AFDN: variants seen among roughly 807,000 people sequenced by gnomAD.
The protein encoded by AFDN is afadin, adherens junction formation factor.
Under a neutral mutation model 216.6 loss-of-function variants are expected in AFDN, and 68 were observed. That is an observed-to-expected ratio of 0.31 (90% CI 0.26 to 0.38). AFDN has a LOEUF of 0.38. AFDN is among the 10% of genes least tolerant of loss of function. The pLI, the probability that AFDN is intolerant of heterozygous loss-of-function variation, is 1.00. For synonymous variants in AFDN, 868 were observed against 853.7 expected (o/e 1.02, Z -0.29); for missense variants, 2,136 against 2,342.0 (o/e 0.91, Z 1.82).
chr6:167,891,408 GGTGT>G (rs71004178), intron 8 of AFDN, among the ~76,000 whole-genome samples: 410 of 72,102 alleles, frequency 5.7e-3, no homozygotes, highest in African/African-American at 0.012. Context: ...TAAAGGGGTG[GGTGT>G]GTGTGTGTGT....
intron 6 of AFDN, among the ~76,000 whole-genome samples, chr6:167,888,920 G>A (rs138536949): frequency 6.6e-6 from 1 of 152,096 alleles, no homozygotes; most frequent in Non-Finnish European, 1.5e-5. Flanking sequence ...TAACCATTAC[G>A]TACTGCCGTA....
Position 167,872,118 on chromosome 6 carries a change from T to C in AFDN, c.415-96T>C, listed in dbSNP as rs1432309641. The C allele has an allele frequency of 7.9e-6, 9 of 1,141,944 alleles. No homozygotes were observed. In the East Asian group the frequency reaches 2.1e-4, roughly 27 times the overall value. 70.7% of individuals were successfully genotyped at this position (1,141,944 alleles called of 1,614,324 possible). A position where few individuals can be genotyped will look rare whatever the true frequency, so the allele number is the denominator to read the frequency against. On this transcript the variant is annotated intron_variant, in intron 3 of 33. Coordinates refer to ENST00000683244, the MANE Select transcript of AFDN (RefSeq NM_001386888.1). The stretch of plus-strand genomic sequence containing the variant: ...CTGTGTTTCAGTAGCTTTGTTCACA[T>C]GTTCGGCAGCATGTGAGATGAAGTT...
At chr6:167,883,196 A>AT (rs201677625) in intron 6 of AFDN, among the ~76,000 whole-genome samples, 1,681 of 152,178 alleles carry the variant, frequency 0.011, 37 homozygotes, top group African/African-American at 0.039. Flanking sequence ...AGTCCAGAAG[A>AT]TTCCTCTGCA....
At chr6:167,841,673 A>G (rs542349647) in intron 1 of AFDN, among the ~76,000 whole-genome samples, 2 of 152,206 alleles carry the variant, frequency 1.3e-5, no homozygotes, top group South Asian at 4.1e-4. Flanking sequence ...CCCCCTTCCT[A>G]GCATTCTGTA....
At chr6:167,943,553 A>G (rs532597180) in intron 25 of AFDN, 78 bp downstream of exon 25, 10 of 1,162,792 alleles carry the variant, frequency 8.6e-6, no homozygotes, top group African/African-American at 7.6e-5. Flanking sequence ...AAATTGGAAG[A>G]TAAAAACTAT....
At chr6:167,913,577 T>G in intron 16 of AFDN, 154 bp downstream of exon 16, 1 of 630,798 alleles carries the variant, frequency 1.6e-6, no homozygotes, top group Middle Eastern at 2.5e-4. Context: ...CCTTTTTGAC[T>G]GTGCAACCTT....
At position 167,877,491 on chromosome 6, in the gene AFDN, A is replaced by C. The variant is rs372753103; in HGVS notation, c.739+1996A>C. 3.9e-3 allele frequency among the ~76,000 whole-genome samples: 596 copies of C among 152,274 alleles called. 4 individuals carry two copies. Among genetic ancestry groups the C allele is most frequent in the African/African-American group, 0.014 (574 of 41,560 alleles). On this transcript the variant is annotated intron_variant, in intron 5 of 33. Transcript: ENST00000683244. ...TAGGAGGAGAAATAGCAGAACATCA[A>C]AGTACAGCTTGTCTGTTAAAGGGGT...
chr6:167,960,675 T>G (rs1468032851), intron 30 of AFDN, among the ~76,000 whole-genome samples: 1 of 152,234 alleles, frequency 6.6e-6, no homozygotes, highest in Non-Finnish European at 1.5e-5. Flanking sequence ...TTCTCCTAGT[T>G]TTTCTTGACC....
In AFDN at chr6:167,889,226, T is replaced by C; in HGVS notation, c.909T>C (p.Pro303=). 6.2e-7 allele frequency: 1 copy of C among 1,613,584 alleles called. No individual in the cohort carries two copies. The highest frequency in any genetic ancestry group is 1.1e-5 in the South Asian group (1 of 90,972). Residue 303 remains proline, a synonymous_variant, in exon 7 of 34, where the codon CCT becomes CCC. Transcript: ENST00000683244. ...KDYCIARVML[P]PGAQHSDEKG... The stretch of plus-strand genomic sequence containing the variant: ...TTTTGTTTTTTTAGGTTATGCTTCC[T>C]CCTGGAGCCCAGCATTCTGATGAAA...
At chr6:167,839,453 TATTC>T (rs1278062654) in intron 1 of AFDN, among the ~76,000 whole-genome samples, 1 of 152,202 alleles carries the variant, frequency 6.6e-6, no homozygotes, top group Non-Finnish European at 1.5e-5. Context: ...ATAATGTACT[TATTC>T]ATTCAGACTG....
chr6:167,870,439 A>G lies in AFDN; in HGVS notation c.355A>G (p.Lys119Glu). 1 of 1,612,854 alleles carries G rather than the reference A, an allele frequency of 6.2e-7. No individual in the cohort carries two copies. The highest frequency in any genetic ancestry group is 1.1e-5 in the South Asian group (1 of 90,734). Reference protein sequence around the residue: ...KPLVVQLNWNKDDREGRFVLK... With the variant: ...KPLVVQLNWNEDDREGRFVLK... ...TCTAGTTGTACAACTGAATTGGAAC[A>G]AAGATGATCGGGAAGGCAGATTTGT... is the stretch of plus-strand genomic sequence containing the variant. Residue 119 changes from lysine to glutamate, a missense_variant, in exon 3 of 34, where the codon AAA (lysine) becomes GAA (glutamate). Lys to Glu is a moderately conservative substitution (Grantham distance 56). This residue lies in a region of AFDN where 817 missense variants were observed against 965.7 expected (regional missense o/e 0.85). Transcript: ENST00000683244.
chr6:167,854,250 T>C (rs1398897261), intron 1 of AFDN, among the ~76,000 whole-genome samples: 2 of 152,046 alleles, frequency 1.3e-5, no homozygotes, highest in Non-Finnish European at 2.9e-5. Flanking sequence ...GTATGCTGCC[T>C]GAAGGTTTTT....
At chr6:167,831,623 A>G (rs1779840951) in intron 1 of AFDN, among the ~76,000 whole-genome samples, 1 of 152,222 alleles carries the variant, frequency 6.6e-6, no homozygotes, top group Admixed American at 6.5e-5. Flanking sequence ...GTAGACTTTT[A>G]TAACACTATC....
intron 23 of AFDN, among the ~76,000 whole-genome samples, chr6:167,930,316 T>A (rs1032195139): frequency 6.6e-6 from 1 of 152,358 alleles, no homozygotes; most frequent in African/African-American, 2.4e-5. Context: ...AAAAGTTTTC[T>A]TCTCCTGGTG....
intron 21 of AFDN, among the ~76,000 whole-genome samples, chr6:167,922,564 T>C (rs1791967144): frequency 6.6e-6 from 1 of 152,212 alleles, no homozygotes; most frequent in Non-Finnish European, 1.5e-5. Context: ...TGCAAGGAAG[T>C]AATGACAAGG....
In AFDN at chr6:167,936,674, A is replaced by G. The variant is rs1165906987; in HGVS notation, c.3100-6455A>G. Among the ~76,000 whole-genome samples, 35 of 152,104 alleles carry G rather than the reference A, an allele frequency of 2.3e-4. 1 individual carries two copies. The highest frequency in any genetic ancestry group is 2.3e-3 in the Admixed American group (35 of 15,276). Reference sequence around the variant, plus strand: ...AGGAATTGTTATGGCTCGACAGACGACAGTTTGCTGAGGCATCTGACCAGC... The same window carrying G: ...AGGAATTGTTATGGCTCGACAGACGGCAGTTTGCTGAGGCATCTGACCAGC... On this transcript the variant is annotated intron_variant, in intron 23 of 33. Coordinates refer to ENST00000683244, the MANE Select transcript of AFDN (RefSeq NM_001386888.1).
chr6:167,830,860 T>C (rs1037792702), intron 1 of AFDN, among the ~76,000 whole-genome samples: 5 of 151,652 alleles, frequency 3.3e-5, no homozygotes, highest in South Asian at 2.1e-4. Context: ...GCATAACTTA[T>C]AGCTACATCT....
In AFDN at chr6:167,858,700, G is replaced by T. The variant is rs534990332; in HGVS notation, c.106-5851G>T. On this transcript the variant is annotated intron_variant, in intron 1 of 33. Coordinates refer to ENST00000683244, the MANE Select transcript of AFDN (RefSeq NM_001386888.1). ...TTAAAGACCACATGTACACATGAAG[G>T]TGTAAATTCTTTTTCTAGAATTGGA... Among the ~76,000 whole-genome samples, 49 of 152,278 alleles carry T rather than the reference G, an allele frequency of 3.2e-4. 2 individuals carry two copies. The South Asian group carries it at 0.01, about 32-fold the overall frequency.
chr6:167,900,173 C>T (rs1788762226), intron 11 of AFDN, among the ~76,000 whole-genome samples: 1 of 152,170 alleles, frequency 6.6e-6, no homozygotes, highest in African/African-American at 2.4e-5. Context: ...AACATACCAT[C>T]CATAAATTAG....
Sources: gnomAD v4.1 joint callset for allele counts (sites outside exome capture counted in the v4.1 genomes callset) on GRCh38, gnomAD v4.1.1 for gene constraint, gnomAD v4.1.1 regional missense constraint, MANE v1.5 for transcripts, NCBI Gene and HGNC (gene_info 2026-07-23, HGNC 2026-07-21) for gene names.